The following MLIP variants were observed in gnomAD, a reference collection of about 807,000 sequenced individuals.
The protein encoded by MLIP is muscular LMNA-interacting protein.
MLIP carries 79 observed loss-of-function variants against 84.8 expected under a neutral mutation model. The observed-to-expected ratio is 0.93, with a 90% CI of 0.78 to 1.12. MLIP has a LOEUF of 1.12. Ranked by LOEUF, MLIP falls within the 50% of genes most tolerant of loss-of-function variation. The pLI is 0.00. For synonymous variants in MLIP, 504 were observed against 463.0 expected (o/e 1.09, Z -1.14); for missense variants, 1,257 against 1,160.6 (o/e 1.08, Z -1.21).
chr6:54,124,663 G>A lies in MLIP; in HGVS notation c.443G>A (p.Gly148Glu), dbSNP rs143336016. The A allele has an allele frequency of 8.1e-6, 13 of 1,614,220 alleles. No individual in the cohort carries two copies. In the African/African-American group the frequency reaches 1.6e-4, roughly 20 times the overall value. The change falls in exon 3 of 14, where the codon GGG becomes GAG. Residue 148 changes from glycine to glutamate, a missense_variant. Coordinates refer to ENST00000502396, the MANE Select transcript of MLIP (RefSeq NM_001281747.2). ...TATGTCCTTATTGTGGACTCCGAAG[G>A]GGAAGATGAGGCTGCAAGCAGAAAA... is the stretch of plus-strand genomic sequence containing the variant. ...AEYVLIVDSE[G>E]EDEAASRKVE...
At chr6:54,032,690 A>T (rs1764209197) in intron 1 of MLIP, among the ~76,000 whole-genome samples, 1 of 152,146 alleles carries the variant, frequency 6.6e-6, no homozygotes, top group Admixed American at 6.5e-5. Flanking sequence ...AGTAGCTGGG[A>T]CTAGAGGTGT....
chr6:54,246,350 T>G (rs894316197), intron 12 of MLIP, among the ~76,000 whole-genome samples: 3 of 152,162 alleles, frequency 2.0e-5, no homozygotes, highest in African/African-American at 7.2e-5. Context: ...AGTCATATTT[T>G]CTGGTTCATT....
At chr6:54,096,707 C>T (rs1768239873) in intron 1 of MLIP, among the ~76,000 whole-genome samples, 1 of 152,192 alleles carries the variant, frequency 6.6e-6, no homozygotes, top group Admixed American at 6.5e-5. Context: ...TCTTACTTCC[C>T]ACCAGCTGCT....
intron 9 of MLIP, among the ~76,000 whole-genome samples, chr6:54,174,391 C>T (rs1200918990): frequency 6.6e-6 from 1 of 152,000 alleles, no homozygotes. Flanking sequence ...TCCCTTTTCT[C>T]CACATGCTCA....
intron 3 of MLIP, 123 bp downstream of exon 3, chr6:54,124,988 A>T: frequency 4.0e-6 from 3 of 752,546 alleles, no homozygotes; most frequent in Non-Finnish European, 6.0e-6. Context: ...AAATATATTT[A>T]AAAAACCATT....
intron 1 of MLIP, among the ~76,000 whole-genome samples, chr6:54,052,122 C>T (rs1765408823): frequency 2.0e-5 from 3 of 152,074 alleles, no homozygotes; most frequent in East Asian, 1.9e-4. Flanking sequence ...ATGGTAACAG[C>T]GTTAAGCTAG....
chr6:54,176,782 T>C (rs945301209), intron 9 of MLIP, among the ~76,000 whole-genome samples: 1 of 151,868 alleles, frequency 6.6e-6, no homozygotes, highest in African/African-American at 2.4e-5. Flanking sequence ...GAAGGCATCA[T>C]GCTACCCTAC....
At chr6:54,062,945 G>A (rs1582059212) in intron 1 of MLIP, among the ~76,000 whole-genome samples, 1 of 152,146 alleles carries the variant, frequency 6.6e-6, no homozygotes, top group Non-Finnish European at 1.5e-5. Context: ...GCTCATGCCT[G>A]TAATCCCAGC....
intron 12 of MLIP, among the ~76,000 whole-genome samples, chr6:54,251,729 GAT>G (rs1562108589): frequency 8.6e-5 from 8 of 92,876 alleles, no homozygotes; most frequent in African/African-American, 1.5e-4. Flanking sequence ...TATAACATAT[GAT>G]ATAAATATAT....
At chr6:54,167,910 T>C (rs2792658) in intron 8 of MLIP, among the ~76,000 whole-genome samples, 142,974 of 151,720 alleles carry the variant, frequency 0.94, 67,948 homozygotes, top group East Asian at 1. Flanking sequence ...TCTCTATACC[T>C]GTGAGATATC....
intron 1 of MLIP, among the ~76,000 whole-genome samples, chr6:54,089,955 C>G (rs946199494): frequency 2.6e-5 from 4 of 152,038 alleles, no homozygotes; most frequent in African/African-American, 9.7e-5. Flanking sequence ...ACACCACTAC[C>G]AATTTGTTTA....
chr6:54,082,870 T>C (rs970447044), intron 1 of MLIP, among the ~76,000 whole-genome samples: 14 of 152,188 alleles, frequency 9.2e-5, no homozygotes, highest in African/African-American at 3.4e-4. Context: ...GACTTGCAAA[T>C]CCTTTCTTGA....
intron 8 of MLIP, among the ~76,000 whole-genome samples, chr6:54,163,124 T>C (rs924200598): frequency 7.9e-5 from 12 of 152,126 alleles, no homozygotes; most frequent in African/African-American, 2.9e-4. Context: ...TTTTGAGTTT[T>C]TAGAAGCTTT....
chr6:54,169,440 GAGA>G (rs1009408541), intron 8 of MLIP, 85 bp from the exon 9 acceptor site: 58 of 770,960 alleles, frequency 7.5e-5, no homozygotes, highest in South Asian at 1.4e-4. Flanking sequence ...AGTCTCAATT[GAGA>G]AGAAGGTGAA....
At chr6:54,054,453 G>T (rs1376140039) in intron 1 of MLIP, among the ~76,000 whole-genome samples, 1 of 150,532 alleles carries the variant, frequency 6.6e-6, no homozygotes, top group Non-Finnish European at 1.5e-5. Context: ...AAAAAATGAC[G>T]GGTCTCCTTG....
rs1234074180 is a variant in MLIP at position 54,224,728 on chromosome 6, C to G, written c.2719-5986C>G. Among the ~76,000 whole-genome samples, 4 of 151,856 alleles carry G rather than the reference C, an allele frequency of 2.6e-5. No homozygotes were observed. In the East Asian group the frequency reaches 5.8e-4, roughly 22 times the overall value. On this transcript the variant is annotated intron_variant, in intron 11 of 13. Transcript: ENST00000502396. ...CCATTATATGTTGTCTTTTATCCCT[C>G]GACCCCCTTGCACTCTTCCCCCCAA...
chr6:54,235,358 T>G (rs556563512), intron 12 of MLIP, among the ~76,000 whole-genome samples: 10 of 152,346 alleles, frequency 6.6e-5, no homozygotes, highest in Admixed American at 5.9e-4. Flanking sequence ...CAAACCATTC[T>G]TGTACTTTAA....
intron 12 of MLIP, among the ~76,000 whole-genome samples, chr6:54,237,627 C>T: frequency 6.7e-6 from 1 of 148,402 alleles, no homozygotes; most frequent in East Asian, 2.0e-4. Flanking sequence ...GGGAGGATTG[C>T]TTAAGCCCAG....
intron 4 of MLIP, among the ~76,000 whole-genome samples, chr6:54,140,971 A>T (rs1772245169): frequency 6.6e-6 from 1 of 152,180 alleles, no homozygotes; most frequent in South Asian, 2.1e-4. Flanking sequence ...GATTTAGGTC[A>T]GCTTTACTCA....
Sources: allele counts gnomAD v4.1 joint callset (sites outside exome capture counted in the v4.1 genomes callset), GRCh38; gene constraint gnomAD v4.1.1; transcripts MANE v1.5; gene names NCBI Gene and HGNC (gene_info 2026-07-23, HGNC 2026-07-21).